Variants in SPATA16 observed in about 807,000 individuals in gnomAD.
SPATA16 encodes the protein spermatogenesis-associated protein 16.
Under a neutral mutation model 63.3 loss-of-function variants are expected in SPATA16, and 36 were observed. The ratio of observed to expected loss-of-function variants is 0.57; its 90% confidence interval spans 0.44 to 0.75. The LOEUF (loss-of-function observed/expected upper bound fraction) is 0.75. Among genes scored for constraint, SPATA16 ranks in the 30% least tolerant of loss-of-function variants. The pLI, the probability that SPATA16 is intolerant of heterozygous loss-of-function variation, is 0.00. For synonymous variants in SPATA16, 203 were observed against 216.7 expected, an observed-to-expected ratio of 0.94 and a Z score of 0.56; for missense variants, 646 against 679.3, an observed-to-expected ratio of 0.95 and a Z score of 0.54.
At position 172,925,339 on chromosome 3, in the gene SPATA16, G is replaced by C. The variant is rs1732703562; in HGVS notation, c.1228+7C>G. 1 of 1,613,776 alleles carries C rather than the reference G, an allele frequency of 6.2e-7. No homozygotes were observed. The highest frequency in any genetic ancestry group is 8.5e-7 in the Non-Finnish European group (1 of 1,179,846). ...TATGCTAGACCTTGTAGGTTCAGAT[G>C]ATTTACCTGTGAATATCGGCAGCTT... On this transcript the variant is annotated splice_region_variant and intron_variant, in intron 7 of 10. Coordinates refer to ENST00000351008, the MANE Select transcript of SPATA16 (RefSeq NM_031955.6).
At chr3:173,030,096 A>G (rs1428995243) in intron 3 of SPATA16, among the ~76,000 whole-genome samples, 1 of 149,022 alleles carries the variant, frequency 6.7e-6, no homozygotes, top group East Asian at 1.9e-4. Context: ...CTATCTATCT[A>G]TCTATCTACC....
At chr3:172,936,720 T>G (rs947126798) in intron 6 of SPATA16, among the ~76,000 whole-genome samples, 26 of 152,134 alleles carry the variant, frequency 1.7e-4, no homozygotes, top group Admixed American at 1.3e-4. Context: ...TTTATTTATT[T>G]TTTTTGAGAC....
intron 3 of SPATA16, among the ~76,000 whole-genome samples, chr3:173,031,218 T>C (rs1010431214): frequency 1.3e-5 from 2 of 152,088 alleles, no homozygotes; most frequent in African/African-American, 2.4e-5. Flanking sequence ...AGATCGTACA[T>C]TTTATGTTAT....
intron 2 of SPATA16, among the ~76,000 whole-genome samples, chr3:173,052,174 G>A (rs944250713): frequency 1.3e-5 from 2 of 152,212 alleles, no homozygotes; most frequent in South Asian, 2.1e-4. Context: ...GGACATTCAG[G>A]TTCTTCATGG....
At chr3:173,098,871 A>G (rs1255281411) in intron 2 of SPATA16, among the ~76,000 whole-genome samples, 1 of 152,184 alleles carries the variant, frequency 6.6e-6, no homozygotes, top group African/African-American at 2.4e-5. Context: ...CTCTGCAGCA[A>G]CACTCTGATG....
At chr3:172,901,875 G>C (rs1197469532) in intron 10 of SPATA16, among the ~76,000 whole-genome samples, 3 of 152,090 alleles carry the variant, frequency 2.0e-5, no homozygotes, top group Admixed American at 1.3e-4. Context: ...TACCATTGCT[G>C]GGTGCTAAAA....
chr3:172,912,538 C>T lies in SPATA16; in HGVS notation c.1587+1123G>A, dbSNP rs550189602. Among the ~76,000 whole-genome samples, 13 of 152,026 alleles carry T rather than the reference C, an allele frequency of 8.6e-5. No homozygotes were observed. In the South Asian group the frequency reaches 2.7e-3, roughly 32 times the overall value. ...ATAGGCATATTTTCTTCTGCTTTTGCCACCACTGAGACAGCAAGACCAATC... is the reference window on the plus strand; with the variant it reads ...ATAGGCATATTTTCTTCTGCTTTTGTCACCACTGAGACAGCAAGACCAATC... On this transcript the variant is annotated intron_variant, in intron 10 of 10. Transcript: ENST00000351008.
intron 1 of SPATA16, among the ~76,000 whole-genome samples, chr3:173,126,836 C>A (rs1738240630): frequency 1.3e-5 from 2 of 152,156 alleles, no homozygotes; most frequent in Non-Finnish European, 2.9e-5. Context: ...TGCATCCCAC[C>A]ACAATACACA....
rs116642472 is a variant in SPATA16, at chr3:173,024,194, C to T, written c.759-4619G>A. The stretch of plus-strand genomic sequence containing the variant: ...AAATATTTATTTTGTACCCTTATAA[C>T]TTAATATCGCAATAATTTAATTTTA... On this transcript the variant is annotated intron_variant, in intron 3 of 10. Transcript: ENST00000351008. Among the ~76,000 whole-genome samples the T allele has an allele frequency of 3.3e-3, 497 of 151,562 alleles. 1 individual carries two copies. Among genetic ancestry groups the T allele is most frequent in the African/African-American group, 0.012 (483 of 41,438 alleles).
chr3:173,095,315 C>T (rs1483730437), intron 2 of SPATA16, among the ~76,000 whole-genome samples: 1 of 152,116 alleles, frequency 6.6e-6, no homozygotes, highest in East Asian at 1.9e-4. Flanking sequence ...AGAGTTAAAA[C>T]TATAACTCCA....
rs534599354 is a variant in SPATA16 at position 173,002,628 on chromosome 3, G to A, written c.848+16858C>T. Among the ~76,000 whole-genome samples, 14 of 152,286 alleles carry A rather than the reference G, an allele frequency of 9.2e-5. 1 individual carries two copies. The East Asian group carries it at 2.5e-3, about 27-fold the overall frequency. On this transcript the variant is annotated intron_variant, in intron 4 of 10. Transcript: ENST00000351008. ...GGCAAAGAATAGACATGGCATTCCT[G>A]AAAAAGAATCAGTTGGAGAGATTTG...
chr3:173,048,629 T>C (rs997487658), intron 3 of SPATA16, among the ~76,000 whole-genome samples: 1 of 152,074 alleles, frequency 6.6e-6, no homozygotes, highest in African/African-American at 2.4e-5. Context: ...ATTTCGACAA[T>C]CCCTCTTACG....
intron 5 of SPATA16, among the ~76,000 whole-genome samples, chr3:172,971,421 C>T (rs1465109106): frequency 6.6e-6 from 1 of 152,170 alleles, no homozygotes; most frequent in African/African-American, 2.4e-5. Flanking sequence ...ATTGATTTAA[C>T]AAATCTGTAT....
chr3:173,139,185 A>T (rs1444602886), intron 1 of SPATA16, among the ~76,000 whole-genome samples: 1 of 152,240 alleles, frequency 6.6e-6, no homozygotes, highest in Admixed American at 6.5e-5. Flanking sequence ...TTCTATCATT[A>T]TCATCATTTT....
chr3:173,140,778 A>G (rs913263231), intron 1 of SPATA16, among the ~76,000 whole-genome samples: 2 of 152,198 alleles, frequency 1.3e-5, no homozygotes, highest in African/African-American at 4.8e-5. Context: ...AAAACAAAAC[A>G]AAAAATCTGT....
intron 5 of SPATA16, among the ~76,000 whole-genome samples, chr3:172,967,714 C>T (rs1208457900): frequency 6.6e-6 from 1 of 152,152 alleles, no homozygotes; most frequent in Non-Finnish European, 1.5e-5. Flanking sequence ...GCATTAGATT[C>T]TCATAGGAGC....
intron 4 of SPATA16, among the ~76,000 whole-genome samples, chr3:173,010,435 C>CGTGTGTGT (rs66547523): frequency 0.048 from 6,839 of 141,328 alleles, 354 homozygotes; most frequent in African/African-American, 0.13. Flanking sequence ...CACGTTGTGG[C>CGTGTGTGT]GTGTGTGTGT....
chr3:173,140,863 C>T (rs1394766686), intron 1 of SPATA16, among the ~76,000 whole-genome samples: 3 of 152,184 alleles, frequency 2.0e-5, no homozygotes, highest in Admixed American at 6.5e-5. Context: ...CCCGGTGCAG[C>T]GGACAGGGAA....
At position 173,019,502 on chromosome 3, in the gene SPATA16, A is replaced by G; in HGVS notation, c.832T>C (p.Tyr278His). ...QATVFRCLER[Y>H]SEAARSAMIA... Reference sequence around the variant, plus strand: ...CAAACATACCGGGCAGCCTCTGAATACCTCTCCAGACATCTAAACACTGTT... The same window carrying G: ...CAAACATACCGGGCAGCCTCTGAATGCCTCTCCAGACATCTAAACACTGTT... The change falls in exon 4 of 11, where the codon TAT becomes CAT. Residue 278 changes from tyrosine (Y) to histidine (H), a missense_variant. Coordinates refer to ENST00000351008, the MANE Select transcript of SPATA16 (RefSeq NM_031955.6). 6.2e-7 allele frequency: 1 copy of G among 1,613,974 alleles called. No individual in the cohort carries two copies. Among genetic ancestry groups the G allele is most frequent in the South Asian group, 1.1e-5 (1 of 91,080 alleles).
Sources: gnomAD v4.1 joint callset for allele counts (sites outside exome capture counted in the v4.1 genomes callset) on GRCh38, gnomAD v4.1.1 for gene constraint, MANE v1.5 for transcripts, NCBI Gene and HGNC (gene_info 2026-07-23, HGNC 2026-07-21) for gene names.